The following ZNF804B variants were observed in gnomAD, a reference collection of about 807,000 sequenced individuals.
ZNF804B encodes the protein zinc finger 804B.
Under a neutral mutation model 101.4 loss-of-function variants are expected in ZNF804B, and 80 were observed. The observed-to-expected ratio is 0.79, with a 90% CI of 0.66 to 0.95. The LOEUF is 0.95. ZNF804B is among the 40% of genes least tolerant of loss of function. ZNF804B has a pLI of 0.00. For missense variants in ZNF804B, 1,673 were observed against 1,561.9 expected, an observed-to-expected ratio of 1.07 and a Z score of -1.20; for synonymous variants, 622 against 558.8, an observed-to-expected ratio of 1.11 and a Z score of -1.59.
intron 1 of ZNF804B, among the ~76,000 whole-genome samples, chr7:88,791,776 A>G (rs1180838509): frequency 6.6e-6 from 1 of 152,118 alleles, no homozygotes; most frequent in Non-Finnish European, 1.5e-5. Context: ...TTTTCCCATT[A>G]CATATGTATT....
Position 89,135,946 on chromosome 7 carries a change from TAGATC to T in ZNF804B, c.109-82204_109-82200del, listed in dbSNP as rs1374267444. Among the ~76,000 whole-genome samples the T allele has an allele frequency of 9.2e-5, 14 of 152,214 alleles. 1 individual carries two copies. The highest frequency in any genetic ancestry group is 3.3e-4 in the Admixed American group (5 of 15,278). Reference sequence around the variant, plus strand: ...CTTTTGGCTTAATATTCTTTATTGATAGATCAGATAAAGTAGAAAACTGAGAAATA... The same window carrying T: ...CTTTTGGCTTAATATTCTTTATTGATAGATAAAGTAGAAAACTGAGAAATA... On this transcript the variant is annotated intron_variant, in intron 1 of 3. Coordinates refer to ENST00000333190, the MANE Select transcript of ZNF804B (RefSeq NM_181646.5).
At chr7:89,240,023 T>A (rs966803422) in intron 2 of ZNF804B, among the ~76,000 whole-genome samples, 8 of 151,874 alleles carry the variant, frequency 5.3e-5, no homozygotes, top group African/African-American at 1.9e-4. Context: ...GTATTGCACA[T>A]TAAATTAGGA....
chr7:89,092,694 C>T (rs1789912758), intron 1 of ZNF804B, among the ~76,000 whole-genome samples: 1 of 152,064 alleles, frequency 6.6e-6, no homozygotes, highest in Admixed American at 6.6e-5. Flanking sequence ...TTATTTTCTT[C>T]CTCAAACTGT....
chr7:89,179,083 G>T (rs1204860626), intron 1 of ZNF804B, among the ~76,000 whole-genome samples: 1 of 152,058 alleles, frequency 6.6e-6, no homozygotes, highest in East Asian at 1.9e-4. Context: ...TCACTTTTAG[G>T]ATTCTTTCTT....
chr7:89,335,095 T>C lies in ZNF804B; in HGVS notation c.2113T>C (p.Leu705=), dbSNP rs778498403. ...RYKRYSPQSC[L]SRYSSSLDTS... ...CAAGAGATACTCTCCACAGTCATGT[T>C]TGAGTAGATATTCTTCCTCTTTGGA... Residue 705 remains leucine (L), a synonymous_variant, in exon 4 of 4, where the codon TTG becomes CTG. Coordinates refer to ENST00000333190, the MANE Select transcript of ZNF804B (RefSeq NM_181646.5). The C allele has an allele frequency of 1.2e-6, 2 of 1,613,764 alleles. No homozygotes were observed. The highest frequency in any genetic ancestry group is 1.7e-6 in the Non-Finnish European group (2 of 1,179,936).
At chr7:88,761,091 C>T (rs1789888971) in intron 1 of ZNF804B, among the ~76,000 whole-genome samples, 1 of 151,440 alleles carries the variant, frequency 6.6e-6, no homozygotes, top group African/African-American at 2.4e-5. Flanking sequence ...TGATATTTTC[C>T]ATCATGGTTT....
chr7:88,764,557 A>G (rs1789951392), intron 1 of ZNF804B, among the ~76,000 whole-genome samples: 1 of 152,178 alleles, frequency 6.6e-6, no homozygotes, highest in Non-Finnish European at 1.5e-5. Context: ...AATTCTCTTG[A>G]TAAATTACAA....
intron 2 of ZNF804B, among the ~76,000 whole-genome samples, chr7:89,293,406 TAAAATA>T (rs1287396178): frequency 1.3e-5 from 2 of 152,168 alleles, no homozygotes; most frequent in Non-Finnish European, 2.9e-5. Flanking sequence ...CAATTAAAAA[TAAAATA>T]AAAGTAAATT....
At chr7:89,134,408 C>A (rs1790599321) in intron 1 of ZNF804B, among the ~76,000 whole-genome samples, 1 of 152,032 alleles carries the variant, frequency 6.6e-6, no homozygotes, top group Admixed American at 6.6e-5. Flanking sequence ...TAATCAATGA[C>A]ATATCAACAT....
chr7:89,314,848 G>A (rs1394760073), intron 2 of ZNF804B, among the ~76,000 whole-genome samples: 1 of 152,122 alleles, frequency 6.6e-6, no homozygotes, highest in Non-Finnish European at 1.5e-5. Context: ...TCTCCCTGTT[G>A]TTAGTTGCTA....
intron 1 of ZNF804B, among the ~76,000 whole-genome samples, chr7:88,808,374 C>T (rs1348120773): frequency 3.8e-5 from 5 of 133,142 alleles, no homozygotes; most frequent in Non-Finnish European, 7.9e-5. Context: ...AAGAGTGAGA[C>T]ATCATCTCAA....
intron 1 of ZNF804B, among the ~76,000 whole-genome samples, chr7:89,024,486 C>CAAAGTCTGGACA (rs973852476): frequency 1.3e-5 from 2 of 151,708 alleles, no homozygotes; most frequent in African/African-American, 4.8e-5. Context: ...CTGTTCACTA[C>CAAAGTCTGGACA]AAAGTCTGGA....
chr7:89,181,680 T>A (rs1190514615), intron 1 of ZNF804B, among the ~76,000 whole-genome samples: 2 of 152,214 alleles, frequency 1.3e-5, no homozygotes, highest in Non-Finnish European at 2.9e-5. Context: ...TCAATTCTTA[T>A]GAAGTTATTT....
At chr7:89,004,657 T>C (rs1476940471) in intron 1 of ZNF804B, among the ~76,000 whole-genome samples, 4 of 151,958 alleles carry the variant, frequency 2.6e-5, no homozygotes, top group Non-Finnish European at 5.9e-5. Context: ...TTAGTGGTTC[T>C]ATTATTTGCT....
Position 89,333,437 on chromosome 7 carries a change from C to G in ZNF804B, c.455C>G (p.Pro152Arg), listed in dbSNP as rs1200889357. The change falls in exon 4 of 4, where the codon CCC becomes CGC. Residue 152 changes from proline to arginine, a missense_variant. Transcript: ENST00000333190. ...IEKQLQQGIFPIKNGRKVSCM... is the reference protein window; with the variant it reads ...IEKQLQQGIFRIKNGRKVSCM... ...AAGCAACTCCAGCAAGGAATTTTCC[C>G]CATTAAGAATGGCAGAAAGGTATCA... 2 of 1,612,912 alleles carry G rather than the reference C, an allele frequency of 1.2e-6. No homozygotes were observed. Among genetic ancestry groups the G allele is most frequent in the Admixed American group, 1.7e-5 (1 of 59,802 alleles).
chr7:88,952,723 A>G (rs776416493), intron 1 of ZNF804B, among the ~76,000 whole-genome samples: 1 of 151,812 alleles, frequency 6.6e-6, no homozygotes, highest in Non-Finnish European at 1.5e-5. Context: ...CGTAATCTAT[A>G]ATTCCCATAG....
chr7:88,888,665 A>G (rs1792170330), intron 1 of ZNF804B, among the ~76,000 whole-genome samples: 1 of 152,184 alleles, frequency 6.6e-6, no homozygotes, highest in Non-Finnish European at 1.5e-5. Flanking sequence ...TGAATGTTTT[A>G]CAATGAAAAA....
intron 1 of ZNF804B, among the ~76,000 whole-genome samples, chr7:89,064,735 C>A (rs1789431240): frequency 6.6e-6 from 1 of 152,114 alleles, no homozygotes; most frequent in Non-Finnish European, 1.5e-5. Flanking sequence ...AAACTGGAGG[C>A]TTCCTTGTAA....
At chr7:88,897,518 T>C (rs183247009) in intron 1 of ZNF804B, among the ~76,000 whole-genome samples, 2 of 124,448 alleles carry the variant, frequency 1.6e-5, no homozygotes, top group Non-Finnish European at 1.6e-5. Context: ...AAATATGTGC[T>C]GTTTCATACC....
Sources: allele counts gnomAD v4.1 joint callset (sites outside exome capture counted in the v4.1 genomes callset), GRCh38; gene constraint gnomAD v4.1.1; transcripts MANE v1.5; gene names NCBI Gene and HGNC (gene_info 2026-07-23, HGNC 2026-07-21).